Variants in RABGAP1L observed in about 807,000 individuals in gnomAD.
RABGAP1L encodes the protein RAB GTPase activating protein 1 like.
Under a neutral mutation model 137.7 loss-of-function variants are expected in RABGAP1L, and 63 were observed. The observed-to-expected ratio is 0.46, with a 90% CI of 0.37 to 0.56. The LOEUF is 0.56. RABGAP1L is among the 20% of genes least tolerant of loss of function. RABGAP1L has a pLI of 0.00. For missense variants in RABGAP1L, 1,095 were observed against 1,244.0 expected (o/e 0.88, Z 1.80); for synonymous variants, 431 against 433.7 (o/e 0.99, Z 0.08).
At chr1:174,624,267 T>C (rs751541782) in intron 13 of RABGAP1L, among the ~76,000 whole-genome samples, 3 of 152,180 alleles carry the variant, frequency 2.0e-5, no homozygotes, top group Non-Finnish European at 4.4e-5. Flanking sequence ...AAGGCCACTT[T>C]CACCACTTTA....
At position 174,448,892 on chromosome 1, in the gene RABGAP1L, C is replaced by A; in HGVS notation, c.1710+54747C>A. 1 of 1,613,196 alleles carries A rather than the reference C, an allele frequency of 6.2e-7. No individual in the cohort carries two copies. The highest frequency in any genetic ancestry group is 8.5e-7 in the Non-Finnish European group (1 of 1,179,202). ...CAGAGAGACTGGACACAGCCCTGAC[C>A]GTCGCTACGCCATGGTTTTGTTTAG... On this transcript the variant is annotated intron_variant, in intron 13 of 25. Coordinates refer to ENST00000681986, the MANE Select transcript of RABGAP1L (RefSeq NM_001366446.1). This position sits in a 1 kb window ranked among gnomAD's most constrained non-coding sequence, Gnocchi z 4.2.
chr1:174,972,186 A>T (rs544801246), intron 21 of RABGAP1L, among the ~76,000 whole-genome samples: 1 of 152,372 alleles, frequency 6.6e-6, no homozygotes, highest in African/African-American at 2.4e-5. Flanking sequence ...ACAAAAGAGA[A>T]GAGACATGAT....
At chr1:174,626,120 C>G (rs888659916) in intron 13 of RABGAP1L, among the ~76,000 whole-genome samples, 3 of 152,128 alleles carry the variant, frequency 2.0e-5, no homozygotes, top group Non-Finnish European at 4.4e-5. Context: ...GTCAAGTTCC[C>G]CAGTTGGGAC....
chr1:174,752,702 C>T (rs1252274662), intron 18 of RABGAP1L, among the ~76,000 whole-genome samples: 1 of 151,916 alleles, frequency 6.6e-6, no homozygotes, highest in Admixed American at 6.5e-5. Flanking sequence ...ACACTTTTTA[C>T]TATAACATCT....
chr1:174,603,251 T>G (rs1670547797), intron 13 of RABGAP1L, among the ~76,000 whole-genome samples: 1 of 152,034 alleles, frequency 6.6e-6, no homozygotes, highest in Non-Finnish European at 1.5e-5. Flanking sequence ...CCAAGATAAT[T>G]TTCTGGAACA....
In RABGAP1L at chr1:174,424,431, T is replaced by C. The variant is rs183203884; in HGVS notation, c.1710+30286T>C. 3.3e-5 allele frequency among the ~76,000 whole-genome samples: 5 copies of C among 152,276 alleles called. No homozygotes were observed. The East Asian group carries it at 7.7e-4, about 24-fold the overall frequency. ...TAAGTCATTTCTGTTTCTGTAGTTA[T>C]TAAATGCTTTTTGATAATATGAAAA... On this transcript the variant is annotated intron_variant, in intron 13 of 25. Transcript: ENST00000681986.
Position 174,333,375 on chromosome 1 carries a change from C to T in RABGAP1L, c.1465+28248C>T, listed in dbSNP as rs150771622. ...TTTAAGGTGATCATATGCTAATTAC[C>T]GTAATATGATCATTACACAATGTAT... On this transcript the variant is annotated intron_variant, in intron 11 of 25. Coordinates refer to ENST00000681986, the MANE Select transcript of RABGAP1L (RefSeq NM_001366446.1). Among the ~76,000 whole-genome samples the T allele has an allele frequency of 5.8e-3, 879 of 152,146 alleles. 4 individuals are homozygous for T. The highest frequency in any genetic ancestry group is 0.013 in the South Asian group (64 of 4,814).
At chr1:174,207,566 C>G (rs1668592451) in intron 1 of RABGAP1L, among the ~76,000 whole-genome samples, 1 of 152,130 alleles carries the variant, frequency 6.6e-6, no homozygotes, top group African/African-American at 2.4e-5. Flanking sequence ...GACTTTAGAA[C>G]TCATGCAGTC....
intron 17 of RABGAP1L, among the ~76,000 whole-genome samples, chr1:174,742,115 G>A (rs1683476076): frequency 8.1e-6 from 1 of 123,166 alleles, no homozygotes; most frequent in Admixed American, 8.1e-5. Context: ...GAGGAGGAGG[G>A]GGAGGGGGAG....
intron 16 of RABGAP1L, 42 bp from the exon 17 acceptor site, chr1:174,702,071 C>A (rs774430590): frequency 1.3e-6 from 2 of 1,581,392 alleles, no homozygotes; most frequent in Non-Finnish European, 1.7e-6. Flanking sequence ...TGTTCTGCTG[C>A]AAGCTTCTCA....
chr1:174,815,857 A>G (rs573355164), intron 19 of RABGAP1L, among the ~76,000 whole-genome samples: 2 of 152,350 alleles, frequency 1.3e-5, no homozygotes, highest in South Asian at 4.1e-4. Context: ...CAGAAAACAT[A>G]TTGACCCATC....
At chr1:174,697,320 CT>C (rs141285517) in intron 15 of RABGAP1L, among the ~76,000 whole-genome samples, 9 of 149,936 alleles carry the variant, frequency 6.0e-5, no homozygotes, top group East Asian at 2.0e-4. Flanking sequence ...GTTCAGTTAT[CT>C]TTTTTTTTTC....
At chr1:174,918,710 A>G (rs891617824) in intron 19 of RABGAP1L, among the ~76,000 whole-genome samples, 1 of 152,154 alleles carries the variant, frequency 6.6e-6, no homozygotes, top group Non-Finnish European at 1.5e-5. Context: ...CCAGGAGGTC[A>G]TGGCTATAGT....
intron 13 of RABGAP1L, among the ~76,000 whole-genome samples, chr1:174,524,831 A>G (rs1487499037): frequency 6.8e-6 from 1 of 147,584 alleles, no homozygotes; most frequent in African/African-American, 2.6e-5. Context: ...GTGATGAGAG[A>G]TAATGGTCCA....
At chr1:174,209,827 G>C (rs1668753673) in intron 1 of RABGAP1L, among the ~76,000 whole-genome samples, 1 of 152,210 alleles carries the variant, frequency 6.6e-6, no homozygotes, top group African/African-American at 2.4e-5. Context: ...GTTTGACTCA[G>C]TGCAGTTTCA....
intron 20 of RABGAP1L, chr1:174,965,060 C>G: frequency 9.0e-7 from 1 of 1,114,402 alleles, no homozygotes; most frequent in Non-Finnish European, 1.3e-6. Context: ...TATCCTCCTC[C>G]CAAAAGTTAC....
chr1:174,306,175 T>G (rs2148775455), intron 11 of RABGAP1L, among the ~76,000 whole-genome samples: 1 of 152,332 alleles, frequency 6.6e-6, no homozygotes. Context: ...TGTTGGACAT[T>G]TGGGTTGGTT....
intron 13 of RABGAP1L, among the ~76,000 whole-genome samples, chr1:174,540,465 T>A (rs1326354527): frequency 6.6e-6 from 1 of 152,242 alleles, no homozygotes; most frequent in East Asian, 1.9e-4. Flanking sequence ...TGAATTAATT[T>A]TTGTATAAGG....
At chr1:174,355,864 C>T (rs1256783136) in intron 11 of RABGAP1L, among the ~76,000 whole-genome samples, 1 of 152,124 alleles carries the variant, frequency 6.6e-6, no homozygotes, top group Non-Finnish European at 1.5e-5. Context: ...GTCTTTTCTA[C>T]CTTGAATCTT....
Sources: allele counts gnomAD v4.1 joint callset (sites outside exome capture counted in the v4.1 genomes callset), GRCh38; gene constraint gnomAD v4.1.1; non-coding constraint Gnocchi (gnomAD v3.1); transcripts MANE v1.5; gene names NCBI Gene and HGNC (gene_info 2026-07-23, HGNC 2026-07-21).